GALNTL6: variants seen among roughly 807,000 people sequenced by gnomAD.
GALNTL6 encodes polypeptide N-acetylgalactosaminyltransferase like 6.
GALNTL6 carries 46 observed loss-of-function variants against 73.7 expected under a neutral mutation model. That is an observed-to-expected ratio of 0.62 (90% CI 0.49 to 0.80). The LOEUF (loss-of-function observed/expected upper bound fraction) is 0.80, where lower values mean the gene tolerates loss of function less well. GALNTL6 is among the 30% of genes least tolerant of loss of function. GALNTL6 has a pLI of 0.00. For synonymous variants in GALNTL6, 259 were observed against 263.7 expected, an observed-to-expected ratio of 0.98 and a Z score of 0.17; for missense variants, 604 against 755.0, an observed-to-expected ratio of 0.80 and a Z score of 2.34.
At chr4:173,009,763 A>G (rs1037213211) in intron 11 of GALNTL6, among the ~76,000 whole-genome samples, 38 of 152,160 alleles carry the variant, frequency 2.5e-4, no homozygotes, top group Admixed American at 2.6e-4. Context: ...AGTAGTTTTT[A>G]ATCTTACATG....
intron 2 of GALNTL6, 21 bp from the exon 3 acceptor site, chr4:172,229,635 G>C (rs200102031): frequency 1.3e-6 from 2 of 1,514,020 alleles, no homozygotes; most frequent in East Asian, 2.3e-5. Flanking sequence ...TTTTATGCTT[G>C]AATACTTTCC....
intron 5 of GALNTL6, among the ~76,000 whole-genome samples, chr4:172,689,071 GTATGCTAGTGTTAGAAGTTATA>G (rs748089453): frequency 5.3e-5 from 8 of 152,098 alleles, no homozygotes; most frequent in Non-Finnish European, 1.2e-4. Flanking sequence ...ACATGTCCCA[GTATGCTAGTGTTAGAAGTTATA>G]TATGCTTGTG....
intron 12 of GALNTL6, among the ~76,000 whole-genome samples, chr4:173,025,088 C>T (rs564103711): frequency 3.3e-5 from 5 of 152,274 alleles, no homozygotes; most frequent in Non-Finnish European, 7.4e-5. Context: ...TTCCTGGTTT[C>T]AGCAACTCTC....
chr4:173,009,303 C>T lies in GALNTL6; in HGVS notation c.1488+9C>T, dbSNP rs746033732. ...CATGGTCTCATGAACAGGTGAGTCA[C>T]CTCCCAGAAGCCAGGGCAGTGGGAA... On this transcript the variant is annotated intron_variant, in intron 11 of 12. Transcript: ENST00000506823. 1.8e-5 allele frequency: 28 copies of T among 1,566,328 alleles called. No individual in the cohort carries two copies. The highest frequency in any genetic ancestry group is 2.7e-5 in the African/African-American group (2 of 73,978).
At chr4:171,828,734 G>A (rs778731463) in intron 2 of GALNTL6, among the ~76,000 whole-genome samples, 12 of 151,950 alleles carry the variant, frequency 7.9e-5, no homozygotes, top group African/African-American at 2.2e-4. Flanking sequence ...ACGATTCTCC[G>A]GCCTCAGCCT....
chr4:172,100,473 T>G (rs181973707), intron 2 of GALNTL6, among the ~76,000 whole-genome samples: 6 of 152,232 alleles, frequency 3.9e-5, no homozygotes, highest in Non-Finnish European at 8.8e-5. Context: ...AAATATAGAA[T>G]AGTTGAGATT....
At chr4:172,147,043 C>T (rs913973021) in intron 2 of GALNTL6, among the ~76,000 whole-genome samples, 3 of 152,136 alleles carry the variant, frequency 2.0e-5, no homozygotes, top group Admixed American at 6.6e-5. Flanking sequence ...TAATAGAGGA[C>T]ATGTGTTTTC....
intron 2 of GALNTL6, among the ~76,000 whole-genome samples, chr4:172,217,055 G>A (rs1462636938): frequency 2.0e-5 from 3 of 152,124 alleles, no homozygotes; most frequent in Admixed American, 2.0e-4. Flanking sequence ...CTGAGACCAG[G>A]AGGCCAAGGT....
At chr4:172,034,490 A>G (rs537069279) in intron 2 of GALNTL6, among the ~76,000 whole-genome samples, 1 of 151,732 alleles carries the variant, frequency 6.6e-6, no homozygotes, top group African/African-American at 2.4e-5. Flanking sequence ...CTTGAAACAC[A>G]AATGAGAATA....
At chr4:172,667,583 G>A (rs1049426905) in intron 5 of GALNTL6, 2 of 152,242 alleles carry the variant, frequency 1.3e-5, no homozygotes, top group Non-Finnish European at 2.9e-5. Context: ...TCAGCCCAGG[G>A]TTGGTTGTTC....
chr4:172,825,737 C>A (rs1482827406), intron 7 of GALNTL6, among the ~76,000 whole-genome samples: 2 of 151,946 alleles, frequency 1.3e-5, no homozygotes, highest in Non-Finnish European at 2.9e-5. Flanking sequence ...GTTTGAATAC[C>A]ATGTAAGAGG....
chr4:172,818,169 C>T (rs531307007), intron 7 of GALNTL6, among the ~76,000 whole-genome samples: 1 of 152,314 alleles, frequency 6.6e-6, no homozygotes, highest in South Asian at 2.1e-4. Flanking sequence ...CCAAGGGCAG[C>T]ATGAAATAGT....
chr4:171,961,497 A>G (rs1739217385), intron 2 of GALNTL6, among the ~76,000 whole-genome samples: 1 of 152,206 alleles, frequency 6.6e-6, no homozygotes, highest in Non-Finnish European at 1.5e-5. Flanking sequence ...CACCAATTAA[A>G]AAAACCCTAC....
At chr4:172,814,422 A>G (rs1192096727) in intron 7 of GALNTL6, among the ~76,000 whole-genome samples, 1 of 152,186 alleles carries the variant, frequency 6.6e-6, no homozygotes, top group East Asian at 1.9e-4. Context: ...AGTTTGACAG[A>G]CTATCAAGAC....
intron 3 of GALNTL6, among the ~76,000 whole-genome samples, chr4:172,264,555 AATATATATATAT>A (rs201920170): frequency 0.15 from 15,067 of 103,654 alleles, 1,297 homozygotes; most frequent in East Asian, 0.31. Flanking sequence ...ATATATGCCA[AATATATATATAT>A]ATATATATAT....
intron 8 of GALNTL6, among the ~76,000 whole-genome samples, chr4:172,917,270 T>C (rs868084640): frequency 2.5e-5 from 3 of 122,110 alleles, no homozygotes; most frequent in Middle Eastern, 3.9e-3. Flanking sequence ...AAGACTTAAA[T>C]GTTAGACCTA....
At chr4:172,876,617 C>T (rs1745205677) in intron 7 of GALNTL6, among the ~76,000 whole-genome samples, 1 of 152,156 alleles carries the variant, frequency 6.6e-6, no homozygotes, top group Non-Finnish European at 1.5e-5. Flanking sequence ...TGATCATCTC[C>T]TTGCATACCA....
intron 2 of GALNTL6, among the ~76,000 whole-genome samples, chr4:172,041,820 A>G (rs1176022921): frequency 1.3e-5 from 2 of 152,062 alleles, no homozygotes; most frequent in African/African-American, 4.8e-5. Context: ...AAGTTTTTGT[A>G]TCCTCTCCTT....
intron 5 of GALNTL6, among the ~76,000 whole-genome samples, chr4:172,747,665 G>C (rs1215678137): frequency 7.2e-5 from 11 of 151,932 alleles, no homozygotes; most frequent in Admixed American, 7.2e-4. Context: ...CTCATTACTG[G>C]ATATATACCA....
Sources: allele counts gnomAD v4.1 joint callset (sites outside exome capture counted in the v4.1 genomes callset), GRCh38; gene constraint gnomAD v4.1.1; transcripts MANE v1.5; gene names NCBI Gene and HGNC (gene_info 2026-07-23, HGNC 2026-07-21).